Variants in B3GALT1 observed in about 807,000 individuals in gnomAD.
The protein encoded by B3GALT1 is beta-1,3-galactosyltransferase 1, also known as UDP-Gal:betaGlcNAc beta 1,3-galactosyltransferase, polypeptide 1.
B3GALT1 carries 10 observed loss-of-function variants against 23.2 expected under a neutral mutation model. That is an observed-to-expected ratio of 0.43 (90% CI 0.27 to 0.73). The LOEUF (loss-of-function observed/expected upper bound fraction) is 0.73. Ranked by LOEUF, B3GALT1 falls within the 30% of genes least tolerant of loss-of-function variation. B3GALT1 has a pLI of 0.21. For synonymous variants in B3GALT1, 156 were observed against 141.5 expected, an observed-to-expected ratio of 1.10 and a Z score of -0.73; for missense variants, 299 against 405.4, an observed-to-expected ratio of 0.74 and a Z score of 2.25.
At chr2:167,424,768 G>A (rs974900362) in intron 1 of B3GALT1, among the ~76,000 whole-genome samples, 2 of 152,156 alleles carry the variant, frequency 1.3e-5, no homozygotes, top group East Asian at 3.9e-4. Flanking sequence ...CGGGGTTCTT[G>A]TGAGAGATTA....
intron 2 of B3GALT1, among the ~76,000 whole-genome samples, chr2:167,524,148 G>A (rs1403068119): frequency 1.3e-5 from 2 of 151,886 alleles, no homozygotes; most frequent in African/African-American, 4.8e-5. Context: ...TTTTATTTTT[G>A]CCCATGAGAA....
intron 1 of B3GALT1, among the ~76,000 whole-genome samples, chr2:167,352,243 A>C (rs1697321799): frequency 6.9e-6 from 1 of 144,252 alleles, no homozygotes; most frequent in African/African-American, 2.6e-5. Flanking sequence ...CTGGAATTAC[A>C]GGTGTGAGCC....
At chr2:167,431,818 G>T (rs923559612) in intron 1 of B3GALT1, among the ~76,000 whole-genome samples, 7 of 150,676 alleles carry the variant, frequency 4.6e-5, no homozygotes, top group Non-Finnish European at 5.9e-5. Flanking sequence ...CTTGGAATTG[G>T]GGGGGAAGGG....
intron 2 of B3GALT1, among the ~76,000 whole-genome samples, chr2:167,637,191 G>A (rs947792866): frequency 4.0e-5 from 6 of 151,862 alleles, no homozygotes; most frequent in African/African-American, 1.5e-4. Context: ...CTTTCACTTC[G>A]ACTTTGTGGT....
At chr2:167,426,743 C>G (rs190366643) in intron 1 of B3GALT1, among the ~76,000 whole-genome samples, 49 of 152,250 alleles carry the variant, frequency 3.2e-4, no homozygotes, top group African/African-American at 1.1e-3. Context: ...TGACAGAGCT[C>G]TCAAGGATGC....
intron 1 of B3GALT1, among the ~76,000 whole-genome samples, chr2:167,487,239 A>G (rs1699640968): frequency 6.6e-6 from 1 of 152,200 alleles, no homozygotes; most frequent in Non-Finnish European, 1.5e-5. Context: ...TCCTGCCAGT[A>G]GACTGTAGCC....
chr2:167,792,985 T>A (rs1278413366), intron 3 of B3GALT1, among the ~76,000 whole-genome samples: 1 of 151,924 alleles, frequency 6.6e-6, no homozygotes, highest in Non-Finnish European at 1.5e-5. Flanking sequence ...TCTCTGAGCT[T>A]AGGACAGAAT....
At chr2:167,433,581 G>C (rs1324887991) in intron 1 of B3GALT1, among the ~76,000 whole-genome samples, 4 of 152,150 alleles carry the variant, frequency 2.6e-5, no homozygotes, top group African/African-American at 7.2e-5. Flanking sequence ...AGGTTCTGAA[G>C]TTATGGAAGA....
intron 2 of B3GALT1, among the ~76,000 whole-genome samples, chr2:167,551,558 C>A (rs780291002): frequency 1.3e-5 from 2 of 151,984 alleles, no homozygotes; most frequent in African/African-American, 2.4e-5. Flanking sequence ...ACAGAAATGT[C>A]GTGCCAGGAA....
chr2:167,358,776 C>T (rs991024689), intron 1 of B3GALT1, among the ~76,000 whole-genome samples: 2 of 152,078 alleles, frequency 1.3e-5, no homozygotes, highest in African/African-American at 4.8e-5. Context: ...GAATTAGAGG[C>T]TGTAATTCTT....
At chr2:167,399,567 C>A (rs189612475) in intron 1 of B3GALT1, among the ~76,000 whole-genome samples, 4 of 151,990 alleles carry the variant, frequency 2.6e-5, no homozygotes, top group African/African-American at 7.2e-5. Context: ...GCTTTCAATT[C>A]TTCCCAAGTT....
intron 3 of B3GALT1, among the ~76,000 whole-genome samples, chr2:167,656,003 C>T (rs1685949699): frequency 6.6e-6 from 1 of 152,080 alleles, no homozygotes; most frequent in South Asian, 2.1e-4. Flanking sequence ...TGTGTCAGCC[C>T]CTCTGGAAGT....
chr2:167,339,298 G>A (rs745701493), intron 1 of B3GALT1, among the ~76,000 whole-genome samples: 14 of 151,874 alleles, frequency 9.2e-5, no homozygotes, highest in South Asian at 2.1e-4. Flanking sequence ...AGCAAGTTGC[G>A]CAGGTAATAC....
intron 1 of B3GALT1, among the ~76,000 whole-genome samples, chr2:167,318,318 TCAAAA>T: frequency 6.6e-6 from 1 of 152,146 alleles, no homozygotes; most frequent in South Asian, 2.1e-4. Context: ...AAACTCTGTC[TCAAAA>T]CAAACAAACA....
chr2:167,323,787 G>GTAA (rs1696847895), intron 1 of B3GALT1, among the ~76,000 whole-genome samples: 1 of 152,048 alleles, frequency 6.6e-6, no homozygotes, highest in Admixed American at 6.6e-5. Context: ...AATTTTGTGT[G>GTAA]TAAAACACTT....
chr2:167,533,399 A>T (rs1337575562), intron 2 of B3GALT1, among the ~76,000 whole-genome samples: 1 of 152,056 alleles, frequency 6.6e-6, no homozygotes, highest in African/African-American at 2.4e-5. Flanking sequence ...ATCTATTAAT[A>T]GTGTGACTTT....
intron 4 of B3GALT1, among the ~76,000 whole-genome samples, chr2:167,850,758 C>A (rs1689865664): frequency 6.6e-6 from 1 of 151,592 alleles, no homozygotes. Flanking sequence ...TACGTGGGAG[C>A]TAAGCTATAA....
chr2:167,845,345 C>G (rs534019154), intron 4 of B3GALT1, among the ~76,000 whole-genome samples: 2 of 152,100 alleles, frequency 1.3e-5, no homozygotes, highest in African/African-American at 4.8e-5. Flanking sequence ...GTCCATTGCA[C>G]CCCCCAACCA....
intron 2 of B3GALT1, among the ~76,000 whole-genome samples, chr2:167,597,208 C>A (rs756435399): frequency 1.3e-5 from 2 of 151,790 alleles, no homozygotes; most frequent in African/African-American, 2.4e-5. Context: ...CTCCGCCTTC[C>A]GGGTTCATGC....
Sources: gnomAD v4.1 joint callset for allele counts (sites outside exome capture counted in the v4.1 genomes callset) on GRCh38, gnomAD v4.1.1 for gene constraint, MANE v1.5 for transcripts, NCBI Gene and HGNC (gene_info 2026-07-23, HGNC 2026-07-21) for gene names.